SYT1: variants seen among roughly 807,000 people sequenced by gnomAD.
The protein encoded by SYT1 is synaptotagmin 1, also known as synaptotagmin-1.
Under a neutral mutation model 44.8 loss-of-function variants are expected in SYT1, and 8 were observed. The observed-to-expected ratio is 0.18, with a 90% CI of 0.10 to 0.32. SYT1 has a LOEUF of 0.32. Among genes scored for constraint, SYT1 ranks in the 10% least tolerant of loss-of-function variants. SYT1 has a pLI of 1.00. For missense variants in SYT1, 286 were observed against 509.3 expected (o/e 0.56, Z 4.22); for synonymous variants, 154 against 188.8 (o/e 0.82, Z 1.51).
chr12:78,997,774 A>G (rs1442408054), intron 2 of SYT1, among the ~76,000 whole-genome samples: 4 of 152,050 alleles, frequency 2.6e-5, no homozygotes, highest in Non-Finnish European at 5.9e-5. Flanking sequence ...AAGGAAAGAC[A>G]GTGTCTAGCA....
intron 2 of SYT1, among the ~76,000 whole-genome samples, chr12:78,988,615 A>G (rs1869815402): frequency 1.3e-5 from 2 of 151,974 alleles, no homozygotes; most frequent in Admixed American, 1.3e-4. Context: ...CATTGCAGAC[A>G]TAAAGAACAA....
chr12:78,957,705 CTGT>C (rs1175836529), intron 1 of SYT1, among the ~76,000 whole-genome samples: 3 of 151,996 alleles, frequency 2.0e-5, no homozygotes, highest in East Asian at 1.9e-4. Flanking sequence ...GTTATTGTTA[CTGT>C]TGTTGTTGTT....
chr12:79,112,607 G>C (rs371270495), intron 3 of SYT1, among the ~76,000 whole-genome samples: 4 of 152,176 alleles, frequency 2.6e-5, no homozygotes, highest in Admixed American at 2.0e-4. Context: ...AGATAAAAAT[G>C]ATAAAGTAGC....
rs543628128 is a variant in SYT1 at position 79,016,278 on chromosome 12, A to C, written c.-83-31019A>C. Among the ~76,000 whole-genome samples, 4 of 152,284 alleles carry C rather than the reference A, an allele frequency of 2.6e-5. No individual in the cohort carries two copies. The South Asian group carries it at 6.2e-4, about 24-fold the overall frequency. On this transcript the variant is annotated intron_variant, in intron 2 of 10. Transcript: ENST00000261205. ...CTCCAGATAAAAGCTCAAAAGAAAAATAGGTCTATGGCTCTTCAATGCTCT... is the reference window on the plus strand; with the variant it reads ...CTCCAGATAAAAGCTCAAAAGAAAACTAGGTCTATGGCTCTTCAATGCTCT...
At chr12:79,337,431 C>T (rs1882142562) in intron 8 of SYT1, among the ~76,000 whole-genome samples, 1 of 152,168 alleles carries the variant, frequency 6.6e-6, no homozygotes, top group African/African-American at 2.4e-5. Context: ...GATAGAACAA[C>T]ATCCTAGCTT....
At chr12:79,374,984 C>A (rs1304229588) in intron 9 of SYT1, among the ~76,000 whole-genome samples, 1 of 152,198 alleles carries the variant, frequency 6.6e-6, no homozygotes, top group Non-Finnish European at 1.5e-5. Context: ...TCTATTGCAA[C>A]ACAAAAGCAG....
At chr12:79,215,265 T>C (rs1288739116) in intron 3 of SYT1, among the ~76,000 whole-genome samples, 1 of 152,200 alleles carries the variant, frequency 6.6e-6, no homozygotes, top group Non-Finnish European at 1.5e-5. Context: ...ACTGGTAGTC[T>C]GTTCCATTGA....
At chr12:79,320,091 A>C (rs1258950999) in intron 8 of SYT1, among the ~76,000 whole-genome samples, 1 of 152,204 alleles carries the variant, frequency 6.6e-6, no homozygotes, top group Non-Finnish European at 1.5e-5. Flanking sequence ...GCTCTTTATT[A>C]GTACCCTCTG....
At chr12:79,005,748 A>G (rs908770987) in intron 2 of SYT1, among the ~76,000 whole-genome samples, 2 of 152,110 alleles carry the variant, frequency 1.3e-5, no homozygotes, top group African/African-American at 4.8e-5. Flanking sequence ...CAAGCCAGAA[A>G]AGAATTAAAA....
At chr12:79,191,630 A>G (rs1873131507) in intron 3 of SYT1, among the ~76,000 whole-genome samples, 1 of 152,186 alleles carries the variant, frequency 6.6e-6, no homozygotes, top group Admixed American at 6.6e-5. Flanking sequence ...ATGACTAGGT[A>G]GAGACATTTG....
chr12:79,205,043 C>A (rs899472349), intron 3 of SYT1, among the ~76,000 whole-genome samples: 2 of 148,356 alleles, frequency 1.3e-5, no homozygotes, highest in South Asian at 2.1e-4. Context: ...CGGCTCACTG[C>A]AAGCTCCGCC....
intron 2 of SYT1, among the ~76,000 whole-genome samples, chr12:79,042,554 T>G (rs1459669519): frequency 6.9e-6 from 1 of 144,516 alleles, no homozygotes; most frequent in Non-Finnish European, 1.5e-5. Flanking sequence ...CTATCAATTT[T>G]GTTGATCCTT....
chr12:79,200,485 C>A (rs189206448), intron 3 of SYT1, among the ~76,000 whole-genome samples: 1 of 152,190 alleles, frequency 6.6e-6, no homozygotes, highest in East Asian at 1.9e-4. Context: ...AAACAAGAAG[C>A]AAAGCACAGT....
intron 2 of SYT1, 133 bp from the exon 3 acceptor site, chr12:79,047,164 C>T (rs1423672387): frequency 6.6e-6 from 1 of 151,302 alleles, no homozygotes; most frequent in East Asian, 1.9e-4. Flanking sequence ...ATATATATGA[C>T]ATTATTTTTA....
intron 9 of SYT1, among the ~76,000 whole-genome samples, chr12:79,391,587 A>G (rs1235710258): frequency 2.0e-5 from 3 of 152,204 alleles, no homozygotes; most frequent in African/African-American, 7.2e-5. Context: ...AAAGTGGCCC[A>G]TTTTTATTAT....
intron 2 of SYT1, among the ~76,000 whole-genome samples, chr12:78,988,943 T>C (rs984707054): frequency 6.6e-6 from 1 of 152,114 alleles, no homozygotes; most frequent in African/African-American, 2.4e-5. Flanking sequence ...GTAATTTTGA[T>C]TAGGCTTATG....
At chr12:78,871,882 CA>C (rs1367416778) in intron 1 of SYT1, among the ~76,000 whole-genome samples, 1 of 151,638 alleles carries the variant, frequency 6.6e-6, no homozygotes, top group Non-Finnish European at 1.5e-5. Flanking sequence ...CTATAAATAG[CA>C]TAACATCACT....
intron 3 of SYT1, among the ~76,000 whole-genome samples, chr12:79,054,934 G>A (rs989990037): frequency 6.6e-6 from 1 of 151,868 alleles, no homozygotes; most frequent in African/African-American, 2.4e-5. Flanking sequence ...TATTATTCAT[G>A]ATAAATCTAA....
intron 8 of SYT1, among the ~76,000 whole-genome samples, chr12:79,338,881 A>G (rs1281454320): frequency 1.3e-5 from 2 of 151,272 alleles, no homozygotes; most frequent in Non-Finnish European, 2.9e-5. Context: ...AAGTGTTCTC[A>G]TTGTTCAATT....
Sources: gnomAD v4.1 joint callset for allele counts (sites outside exome capture counted in the v4.1 genomes callset) on GRCh38, gnomAD v4.1.1 for gene constraint, MANE v1.5 for transcripts, NCBI Gene and HGNC (gene_info 2026-07-23, HGNC 2026-07-21) for gene names.